The following TBC1D32 variants were observed in gnomAD, a reference collection of about 807,000 sequenced individuals.
TBC1D32 encodes TBC1 domain family member 32.
Under a neutral mutation model 170.3 loss-of-function variants are expected in TBC1D32, and 151 were observed. The ratio of observed to expected loss-of-function variants is 0.89; its 90% CI spans 0.78 to 1.01. TBC1D32 has a LOEUF of 1.01. Ranked by LOEUF, TBC1D32 falls within the 50% of genes least tolerant of loss-of-function variation. The probability of loss-of-function intolerance (pLI) is 0.00; values close to 1 mark genes in which losing one functional copy is unlikely to be tolerated. For synonymous variants in TBC1D32, 498 were observed against 488.0 expected (o/e 1.02, Z -0.27); for missense variants, 1,464 against 1,457.1 (o/e 1.00, Z -0.08).
At chr6:121,205,184 G>A (rs373064482) in intron 21 of TBC1D32, 21 bp from the exon 22 acceptor site, 4 of 1,207,878 alleles carry the variant, frequency 3.3e-6, no homozygotes, top group Non-Finnish European at 3.5e-6. Context: ...CAGACAAAAT[G>A]AGACTGTATT....
chr6:121,080,933 C>A, intron 31 of TBC1D32, 43 bp from the exon 32 acceptor site: 2 of 1,592,988 alleles, frequency 1.3e-6, no homozygotes, highest in South Asian at 1.1e-5. Flanking sequence ...TTGAGTAAGA[C>A]ACACAATTCC....
At chr6:121,196,337 T>C (rs1790733782) in intron 22 of TBC1D32, among the ~76,000 whole-genome samples, 1 of 152,150 alleles carries the variant, frequency 6.6e-6, no homozygotes, top group Non-Finnish European at 1.5e-5. Context: ...GAGTGCCCAA[T>C]TTGCCAGCAG....
intron 22 of TBC1D32, among the ~76,000 whole-genome samples, chr6:121,192,122 C>T (rs1250790270): frequency 6.8e-6 from 1 of 147,698 alleles, no homozygotes; most frequent in African/African-American, 2.5e-5. Context: ...CTGACTAATA[C>T]ATATTTTGGT....
At chr6:121,215,741 T>A (rs558236433) in intron 21 of TBC1D32, among the ~76,000 whole-genome samples, 1 of 151,554 alleles carries the variant, frequency 6.6e-6, no homozygotes, top group East Asian at 1.9e-4. Context: ...CCAAGAAGCA[T>A]ACGAAAAAAG....
intron 22 of TBC1D32, among the ~76,000 whole-genome samples, chr6:121,187,860 T>A (rs565689739): frequency 6.6e-6 from 1 of 152,038 alleles, no homozygotes; most frequent in Non-Finnish European, 1.5e-5. Flanking sequence ...TGAGAGTTTA[T>A]GTTTTCACAA....
intron 30 of TBC1D32, among the ~76,000 whole-genome samples, chr6:121,093,075 T>C (rs1204992121): frequency 6.6e-6 from 1 of 152,150 alleles, no homozygotes; most frequent in Non-Finnish European, 1.5e-5. Context: ...TTTAACTCAA[T>C]ATTAAATTAG....
chr6:121,244,396 CAT>C (rs1332258980), intron 17 of TBC1D32, among the ~76,000 whole-genome samples: 1 of 152,010 alleles, frequency 6.6e-6, no homozygotes, highest in African/African-American at 2.4e-5. Context: ...AAAGAGTACA[CAT>C]ATGTCCTTTG....
chr6:121,283,138 T>A (rs113167037), intron 13 of TBC1D32, among the ~76,000 whole-genome samples: 2,874 of 151,844 alleles, frequency 0.019, 102 homozygotes, highest in African/African-American at 0.066. Context: ...CCCAAACCAT[T>A]TTTTTCTTTG....
chr6:121,212,382 G>T (rs1375221657), intron 21 of TBC1D32, among the ~76,000 whole-genome samples: 1 of 151,114 alleles, frequency 6.6e-6, no homozygotes, highest in Admixed American at 6.6e-5. Flanking sequence ...CTCATTCTAT[G>T]AGGCCAGCAT....
At chr6:121,285,959 A>ACCCC (rs1426587673) in intron 12 of TBC1D32, among the ~76,000 whole-genome samples, 8 of 152,298 alleles carry the variant, frequency 5.3e-5, no homozygotes, top group African/African-American at 1.7e-4. Context: ...AACAAACAGA[A>ACCCC]AGAACATCCA....
intron 26 of TBC1D32, among the ~76,000 whole-genome samples, chr6:121,120,512 G>C (rs1223437800): frequency 3.3e-5 from 5 of 151,954 alleles, no homozygotes; most frequent in Admixed American, 1.3e-4. Context: ...AAATTTCCAT[G>C]ACTATCACAC....
intron 30 of TBC1D32, among the ~76,000 whole-genome samples, chr6:121,100,810 A>G (rs1452877438): frequency 6.6e-6 from 1 of 152,090 alleles, no homozygotes; most frequent in Non-Finnish European, 1.5e-5. Context: ...TGTTTTTTTG[A>G]AAAGATCAAC....
intron 31 of TBC1D32, among the ~76,000 whole-genome samples, chr6:121,084,400 G>T (rs1775973011): frequency 6.6e-6 from 1 of 151,998 alleles, no homozygotes; most frequent in African/African-American, 2.4e-5. Context: ...TAAATAATGA[G>T]AACACATTTT....
At chr6:121,220,658 T>TTG (rs1794402681) in intron 21 of TBC1D32, among the ~76,000 whole-genome samples, 1 of 148,070 alleles carries the variant, frequency 6.8e-6, no homozygotes. Flanking sequence ...TTTTTTTTTT[T>TTG]GAGATTGAGT....
At chr6:121,333,825 G>C (rs955260209) in intron 1 of TBC1D32, among the ~76,000 whole-genome samples, 2 of 152,194 alleles carry the variant, frequency 1.3e-5, no homozygotes, top group Non-Finnish European at 2.9e-5. Flanking sequence ...CCAGCACTTT[G>C]GGAGGCCGAG....
intron 22 of TBC1D32, among the ~76,000 whole-genome samples, chr6:121,192,173 C>A (rs2128288393): frequency 6.6e-6 from 1 of 151,448 alleles, no homozygotes; most frequent in African/African-American, 2.4e-5. Flanking sequence ...TAAGGATGTT[C>A]TTTCATTGGT....
chr6:121,285,612 C>T (rs1290943195), intron 12 of TBC1D32, among the ~76,000 whole-genome samples: 1 of 152,090 alleles, frequency 6.6e-6, no homozygotes, highest in East Asian at 1.9e-4. Context: ...GTGATTTCTG[C>T]ATTTCCAACT....
chr6:121,256,072 G>A lies in TBC1D32; in HGVS notation c.1935+12C>T, dbSNP rs536354880. 2 of 1,601,252 alleles carry A rather than the reference G, an allele frequency of 1.2e-6. No individual in the cohort carries two copies. Among genetic ancestry groups the A allele is most frequent in the Non-Finnish European group, 1.7e-6 (2 of 1,176,550 alleles). ...TTTGCAGGGAGAAAAAACGAAGCTT[G>A]AAAATACTTACCTTTTTCCATGCCT... On this transcript the variant is annotated intron_variant, in intron 16 of 31. Transcript: ENST00000398212.
intron 20 of TBC1D32, chr6:121,236,853 T>C (rs1025699783): frequency 5.3e-5 from 8 of 152,192 alleles, no homozygotes; most frequent in Middle Eastern, 3.4e-3. Flanking sequence ...CTATGTACGA[T>C]TTTATTTCTA....
Sources: allele counts gnomAD v4.1 joint callset (sites outside exome capture counted in the v4.1 genomes callset), GRCh38; gene constraint gnomAD v4.1.1; transcripts MANE v1.5; gene names NCBI Gene and HGNC (gene_info 2026-07-23, HGNC 2026-07-21).